Variants in TMEM232 observed in about 807,000 individuals in gnomAD.
TMEM232 encodes the protein transmembrane protein 232.
A neutral mutation model predicts 78.8 loss-of-function variants in TMEM232; 80 were observed. The ratio of observed to expected loss-of-function variants is 1.01; its 90% CI spans 0.85 to 1.22. The LOEUF (loss-of-function observed/expected upper bound fraction) is 1.22, where lower values mean the gene tolerates loss of function less well. Ranked by LOEUF, TMEM232 falls within the 50% of genes most tolerant of loss-of-function variation. The pLI, the probability that TMEM232 is intolerant of heterozygous loss-of-function variation, is 0.00. For missense variants in TMEM232, 881 were observed against 742.2 expected, an observed-to-expected ratio of 1.19 and a Z score of -2.17; for synonymous variants, 297 against 254.3, an observed-to-expected ratio of 1.17 and a Z score of -1.60.
chr5:110,664,940 AC>A lies in TMEM232; in HGVS notation c.125+2287del, dbSNP rs749878493. On this transcript the variant is annotated intron_variant, in intron 2 of 13. Transcript: ENST00000455884. Reference sequence around the variant, plus strand: ...CAAATTTGTTTAAACGAAGAACCTAACCCCCTCCTTTTTAGCATAATATATG... The same window carrying A: ...CAAATTTGTTTAAACGAAGAACCTAACCCCTCCTTTTTAGCATAATATATG... Among the ~76,000 whole-genome samples, 7 of 152,140 alleles carry A rather than the reference AC, an allele frequency of 4.6e-5. No homozygotes were observed. In the South Asian group the frequency reaches 1.5e-3, roughly 32 times the overall value.
intron 10 of TMEM232, among the ~76,000 whole-genome samples, chr5:110,574,627 G>A (rs1260982426): frequency 6.6e-6 from 1 of 152,068 alleles, no homozygotes; most frequent in East Asian, 1.9e-4. Context: ...CCAAGTGTAT[G>A]TGACCAAGCC....
downstream of TMEM232, among the ~76,000 whole-genome samples, chr5:110,414,856 G>A (rs1199268757): frequency 6.6e-6 from 1 of 152,168 alleles, no homozygotes; most frequent in Non-Finnish European, 1.5e-5. Flanking sequence ...CTCAACTGTA[G>A]AGTGGATAAA....
intron 3 of TMEM232, among the ~76,000 whole-genome samples, chr5:110,391,721 G>C (rs1755203940): frequency 6.6e-6 from 1 of 152,102 alleles, no homozygotes; most frequent in South Asian, 2.1e-4. Context: ...AGTATAATTA[G>C]ATTGTTTCAT....
At chr5:110,609,390 T>G in intron 8 of TMEM232, among the ~76,000 whole-genome samples, 1 of 152,072 alleles carries the variant, frequency 6.6e-6, no homozygotes. Context: ...AAGAAAAAAC[T>G]TTTTTTAAAA....
chr5:110,441,505 TA>T (rs1304447780), intron 12 of TMEM232, among the ~76,000 whole-genome samples: 5 of 152,192 alleles, frequency 3.3e-5, no homozygotes, highest in Admixed American at 2.0e-4. Flanking sequence ...CCCTGCCTCC[TA>T]GAACTCATGC....
chr5:110,663,773 G>A (rs57405533), intron 2 of TMEM232, among the ~76,000 whole-genome samples: 24,680 of 147,406 alleles, frequency 0.17, 2,614 homozygotes, highest in African/African-American at 0.32. Flanking sequence ...GTGTGTGTGT[G>A]TATATACAAT....
At chr5:110,709,096 CA>C (rs1425908667) in intron 1 of TMEM232, among the ~76,000 whole-genome samples, 2 of 151,874 alleles carry the variant, frequency 1.3e-5, no homozygotes, top group South Asian at 2.1e-4. Context: ...CTTATTTAAA[CA>C]AAATAGAGTT....
downstream of TMEM232, among the ~76,000 whole-genome samples, chr5:110,417,304 C>G (rs1292746900): frequency 6.6e-6 from 1 of 152,134 alleles, no homozygotes; most frequent in Non-Finnish European, 1.5e-5. Flanking sequence ...CTTTCTCTTT[C>G]TCTATTTTTC....
At chr5:110,580,931 C>G (rs1778137767) in intron 10 of TMEM232, among the ~76,000 whole-genome samples, 1 of 151,548 alleles carries the variant, frequency 6.6e-6, no homozygotes, top group African/African-American at 2.4e-5. Flanking sequence ...CAAAGAAATA[C>G]AATACCTAGG....
At chr5:110,618,632 C>A in intron 7 of TMEM232, 70 bp from the exon 8 acceptor site, 1 of 1,389,148 alleles carries the variant, frequency 7.2e-7, no homozygotes, top group Non-Finnish European at 9.6e-7. Flanking sequence ...CTGACTTGAA[C>A]AAACATGAAA....
At chr5:110,667,439 T>A in intron 1 of TMEM232, 75 bp from the exon 2 acceptor site, 1 of 1,221,576 alleles carries the variant, frequency 8.2e-7, no homozygotes, top group South Asian at 2.0e-5. Flanking sequence ...GCAAATTCAT[T>A]ATTTTTGGAA....
At chr5:110,621,468 A>G (rs1783742046) in intron 7 of TMEM232, among the ~76,000 whole-genome samples, 1 of 152,160 alleles carries the variant, frequency 6.6e-6, no homozygotes. Context: ...AATTATATAT[A>G]TTCAGTCTAT....
rs200381710 is a variant in TMEM232 at position 110,586,795 on chromosome 5, C to T, written c.1277-18170G>A. On this transcript the variant is annotated intron_variant, in intron 10 of 13. Coordinates refer to ENST00000455884, the MANE Select transcript of TMEM232 (RefSeq NM_001039763.4). ...ACAAAAATAATAAGCCATAGGTAATCAGAGGGTGAGTTTATGTTACTCCTC... is the reference window on the plus strand; with the variant it reads ...ACAAAAATAATAAGCCATAGGTAATTAGAGGGTGAGTTTATGTTACTCCTC... Among the ~76,000 whole-genome samples the T allele has an allele frequency of 9.2e-5, 14 of 152,176 alleles. No homozygotes were observed. The East Asian group carries it at 2.7e-3, about 29-fold the overall frequency.
intron 1 of TMEM232, among the ~76,000 whole-genome samples, chr5:110,686,035 G>C (rs1337868843): frequency 1.3e-5 from 2 of 151,794 alleles, no homozygotes; most frequent in Admixed American, 6.6e-5. Context: ...TGGTAACATG[G>C]GTATATGTAT....
intron 12 of TMEM232, among the ~76,000 whole-genome samples, chr5:110,466,660 T>G (rs1407078566): frequency 6.6e-6 from 1 of 151,428 alleles, no homozygotes; most frequent in Admixed American, 6.6e-5. Context: ...TTGCCCAGGC[T>G]GGAGTGCAGT....
At chr5:110,647,043 T>G (rs1043526580) in intron 2 of TMEM232, among the ~76,000 whole-genome samples, 23 of 151,842 alleles carry the variant, frequency 1.5e-4, no homozygotes, top group African/African-American at 5.5e-4. Context: ...TATAGAGACT[T>G]CCAGAGAGTT....
At chr5:110,717,173 T>C (rs1244411794) in intron 1 of TMEM232, among the ~76,000 whole-genome samples, 1 of 151,804 alleles carries the variant, frequency 6.6e-6, no homozygotes, top group Non-Finnish European at 1.5e-5. Flanking sequence ...TTTTCAGTAT[T>C]TGTTACCCCA....
At chr5:110,491,081 A>T (rs1479082308) in intron 12 of TMEM232, among the ~76,000 whole-genome samples, 1 of 152,124 alleles carries the variant, frequency 6.6e-6, no homozygotes, top group Non-Finnish European at 1.5e-5. Flanking sequence ...TATATCTGAT[A>T]GGGGACTTGT....
intron 12 of TMEM232, among the ~76,000 whole-genome samples, chr5:110,525,126 T>C (rs1188076696): frequency 1.3e-5 from 2 of 151,256 alleles, no homozygotes; most frequent in East Asian, 3.9e-4. Context: ...GCCAGCATCA[T>C]GATTAACTGG....
Sources: gnomAD v4.1 joint callset for allele counts (sites outside exome capture counted in the v4.1 genomes callset) on GRCh38, gnomAD v4.1.1 for gene constraint, MANE v1.5 for transcripts, NCBI Gene and HGNC (gene_info 2026-07-23, HGNC 2026-07-21) for gene names.